Variants in WDR19 observed in about 807,000 individuals in gnomAD.
WDR19 encodes WD repeat-containing protein 19.
A neutral mutation model predicts 180.0 loss-of-function variants in WDR19; 121 were observed. The observed-to-expected ratio is 0.67, with a 90% CI of 0.58 to 0.78. The LOEUF (loss-of-function observed/expected upper bound fraction) is 0.78. Ranked by LOEUF, WDR19 falls within the 30% of genes least tolerant of loss-of-function variation. The probability of loss-of-function intolerance (pLI) is 0.00; values close to 1 mark genes in which losing one functional copy is unlikely to be tolerated. For missense variants in WDR19, 1,450 were observed against 1,640.7 expected (o/e 0.88, Z 2.01); for synonymous variants, 497 against 540.7 (o/e 0.92, Z 1.12).
chr4:39,226,550 G>A (rs1730277368), intron 15 of WDR19, among the ~76,000 whole-genome samples: 1 of 152,198 alleles, frequency 6.6e-6, no homozygotes, highest in African/African-American at 2.4e-5. Flanking sequence ...ATAGCATAGT[G>A]GTTAGAAGCA....
In WDR19 at chr4:39,186,576, CA is replaced by C; in HGVS notation, c.142del (p.Arg48GlufsTer22). 1.3e-6 allele frequency: 2 copies of C among 1,570,824 alleles called. No individual in the cohort carries two copies. Among genetic ancestry groups the C allele is most frequent in the Non-Finnish European group, 8.6e-7 (1 of 1,161,514 alleles). ...TGTGAAAATCTTTGATCGCCATGGT[CA>C]AAAAAGAAGTGAAATTAACTTACCT... ...YIVKIFDRHG[Q>X]KRSEINLPGN... On this transcript the variant is annotated frameshift_variant, in exon 3 of 37. Transcript: ENST00000399820. LOFTEE classifies it high-confidence loss of function.
chr4:39,208,692 A>G (rs1728199148), intron 9 of WDR19, among the ~76,000 whole-genome samples: 1 of 152,184 alleles, frequency 6.6e-6, no homozygotes, highest in South Asian at 2.1e-4. Flanking sequence ...AGGATAGAAA[A>G]AGACCATACA....
At chr4:39,263,340 C>T (rs1195697390) in intron 28 of WDR19, among the ~76,000 whole-genome samples, 1 of 152,182 alleles carries the variant, frequency 6.6e-6, no homozygotes, top group African/African-American at 2.4e-5. Flanking sequence ...CTCCATGTTA[C>T]GGTCACATTT....
chr4:39,186,666 AT>A lies in WDR19; in HGVS notation c.164+63del, dbSNP rs1275596623. On this transcript the variant is annotated intron_variant, in intron 3 of 36. Transcript: ENST00000399820. ...TTTTGTTGCCTAAAAGATTAAAAAA[AT>A]ACTGCCTTAAAATTATAATCAGATG... 57 of 1,132,718 alleles carry A rather than the reference AT, an allele frequency of 5.0e-5. No individual in the cohort carries two copies. In the Admixed American group the frequency reaches 1.1e-3, roughly 23 times the overall value. 70.2% of individuals were successfully genotyped at this position (1,132,718 alleles called of 1,614,324 possible). A position where few individuals can be genotyped will look rare whatever the true frequency, so the allele number is the denominator to read the frequency against.
In WDR19 at chr4:39,278,785, A is replaced by G. The variant is rs1209285720; in HGVS notation, c.*13+122A>G. 6.2e-6 allele frequency: 3 copies of G among 484,616 alleles called. No individual in the cohort carries two copies. In the East Asian group the frequency reaches 9.6e-5, roughly 15 times the overall value. The allele number at this position is 484,616 out of a possible 1,614,324, so 30.0% of individuals were successfully genotyped here. A position where few individuals can be genotyped will look rare whatever the true frequency, so the allele number is the denominator to read the frequency against. Reference sequence around the variant, plus strand: ...CCATGGAACTTGCCAGATTTGAACAATCTGACAACCACCTTTTGATGTATT... The same window carrying G: ...CCATGGAACTTGCCAGATTTGAACAGTCTGACAACCACCTTTTGATGTATT... On this transcript the variant is annotated intron_variant, in intron 36 of 36. Coordinates refer to ENST00000399820, the MANE Select transcript of WDR19 (RefSeq NM_025132.4).
chr4:39,283,830 T>C (rs1415466823), intron 36 of WDR19, among the ~76,000 whole-genome samples: 1 of 152,212 alleles, frequency 6.6e-6, no homozygotes, highest in Non-Finnish European at 1.5e-5. Flanking sequence ...TTCTTACATG[T>C]GCAGGTTTGC....
chr4:39,206,078 C>T (rs1009345942), intron 9 of WDR19: 7 of 163,968 alleles, frequency 4.3e-5, no homozygotes, highest in Non-Finnish European at 6.6e-5. Flanking sequence ...GAAAAGAAGA[C>T]GGAATTTGAA....
chr4:39,283,979 T>C (rs1430986183), intron 36 of WDR19, among the ~76,000 whole-genome samples: 3 of 152,336 alleles, frequency 2.0e-5, no homozygotes, highest in Non-Finnish European at 4.4e-5. Context: ...TTTACTGGTT[T>C]CTTTCTGGCT....
intron 9 of WDR19, among the ~76,000 whole-genome samples, chr4:39,211,828 T>C (rs780911600): frequency 2.6e-5 from 4 of 152,128 alleles, no homozygotes; most frequent in Non-Finnish European, 5.9e-5. Flanking sequence ...AAAGTGAAGA[T>C]ATCAGTTCCC....
chr4:39,257,668 C>A, intron 28 of WDR19, 114 bp downstream of exon 28: 1 of 899,598 alleles, frequency 1.1e-6, no homozygotes, highest in Non-Finnish European at 1.7e-6. Flanking sequence ...CCCCTACATA[C>A]CTATCGTGTA....
At chr4:39,230,080 C>T (rs937957798) in intron 17 of WDR19, among the ~76,000 whole-genome samples, 7 of 152,250 alleles carry the variant, frequency 4.6e-5, no homozygotes, top group South Asian at 2.1e-4. Context: ...GTGATTTGAT[C>T]CTCTTATTTC....
At chr4:39,207,043 G>A (rs1272744423) in intron 9 of WDR19, among the ~76,000 whole-genome samples, 1 of 152,152 alleles carries the variant, frequency 6.6e-6, no homozygotes. Context: ...AAACACCAAT[G>A]CCAAGATTAT....
chr4:39,252,336 C>T (rs1733301724), intron 24 of WDR19, among the ~76,000 whole-genome samples: 2 of 125,272 alleles, frequency 1.6e-5, no homozygotes, highest in African/African-American at 6.2e-5. Flanking sequence ...GGAAGGGGAA[C>T]ATCACACACC....
chr4:39,235,436 T>G (rs1467753766), intron 20 of WDR19, among the ~76,000 whole-genome samples: 1 of 152,180 alleles, frequency 6.6e-6, no homozygotes, highest in African/African-American at 2.4e-5. Flanking sequence ...AGCCTAATTA[T>G]TATTTTTAAT....
chr4:39,233,791 A>G (rs1731115820), intron 19 of WDR19, among the ~76,000 whole-genome samples: 1 of 152,248 alleles, frequency 6.6e-6, no homozygotes. Context: ...TGAAATAGGA[A>G]TATGGCTGCG....
intron 15 of WDR19, among the ~76,000 whole-genome samples, chr4:39,227,256 A>G (rs980213455): frequency 6.6e-6 from 1 of 152,294 alleles, no homozygotes; most frequent in South Asian, 2.1e-4. Context: ...TTTATATTTC[A>G]TTCTCATTTT....
intron 24 of WDR19, among the ~76,000 whole-genome samples, chr4:39,252,363 TG>T (rs1427674700): frequency 5.3e-5 from 3 of 56,440 alleles, no homozygotes; most frequent in African/African-American, 7.1e-5. Context: ...TGTTGTGGGG[TG>T]GGGGGAGGGG....
intron 9 of WDR19, among the ~76,000 whole-genome samples, chr4:39,209,165 C>A (rs1314802777): frequency 6.6e-6 from 1 of 152,016 alleles, no homozygotes; most frequent in Non-Finnish European, 1.5e-5. Flanking sequence ...GTTCTCTGAC[C>A]ATAATGGAAT....
At chr4:39,268,632 A>T (rs1735038848) in intron 30 of WDR19, among the ~76,000 whole-genome samples, 1 of 152,200 alleles carries the variant, frequency 6.6e-6, no homozygotes. Flanking sequence ...GATCTTCTTA[A>T]ATCTTTATAA....
Sources: allele counts gnomAD v4.1 joint callset (sites outside exome capture counted in the v4.1 genomes callset), GRCh38; gene constraint gnomAD v4.1.1; transcripts MANE v1.5; gene names NCBI Gene and HGNC (gene_info 2026-07-23, HGNC 2026-07-21).